The following MELK variants were observed in gnomAD, a reference collection of about 807,000 sequenced individuals.
The protein encoded by MELK is maternal embryonic leucine zipper kinase.
MELK carries 81 observed loss-of-function variants against 85.0 expected under a neutral mutation model. The ratio of observed to expected loss-of-function variants is 0.95; its 90% confidence interval spans 0.80 to 1.15. The LOEUF is 1.15. Among genes scored for constraint, MELK ranks in the 50% most tolerant of loss-of-function variants. The probability of loss-of-function intolerance (pLI) is 0.00; values close to 1 mark genes in which losing one functional copy is unlikely to be tolerated. For missense variants in MELK, 754 were observed against 777.5 expected, an observed-to-expected ratio of 0.97 and a Z score of 0.36; for synonymous variants, 252 against 265.0, an observed-to-expected ratio of 0.95 and a Z score of 0.48.
chr9:36,637,232 G>T (rs1564191738), intron 10 of MELK, among the ~76,000 whole-genome samples: 1 of 152,092 alleles, frequency 6.6e-6, no homozygotes, highest in African/African-American at 2.4e-5. Flanking sequence ...ACTGGCCAAA[G>T]CAAGCCATGT....
chr9:36,651,914 C>T (rs984453880), intron 12 of MELK, 37 bp downstream of exon 12: 105 of 1,595,658 alleles, frequency 6.6e-5, no homozygotes, highest in Non-Finnish European at 8.7e-5. Flanking sequence ...GCCACGTGCC[C>T]TCCCTGTTCC....
Position 36,665,367 on chromosome 9 carries a change from A to G in MELK, c.1194A>G (p.Thr398=), listed in dbSNP as rs758410350. 1.2e-6 allele frequency: 2 copies of G among 1,612,534 alleles called. No individual in the cohort carries two copies. Reference sequence around the variant, plus strand: ...TTTTCCAGTTTACCAAGTACTGGACAGAATCAAATGGGGTGGAATCTAAAT... The same window carrying G: ...TTTTCCAGTTTACCAAGTACTGGACGGAATCAAATGGGGTGGAATCTAAAT... ...PRTSQFTKYW[T]ESNGVESKSL... Residue 398 remains threonine (T), a synonymous_variant, in exon 14 of 18, where the codon ACA becomes ACG. Transcript: ENST00000298048.
intron 14 of MELK, among the ~76,000 whole-genome samples, chr9:36,665,827 T>C (rs1564226970): frequency 6.6e-6 from 1 of 152,222 alleles, no homozygotes. Flanking sequence ...CATCCTAGGA[T>C]ATCAAAGCTG....
intron 8 of MELK, among the ~76,000 whole-genome samples, chr9:36,614,689 A>T (rs1465937033): frequency 9.2e-6 from 1 of 109,024 alleles, no homozygotes. Context: ...CACATCTTGC[A>T]CCGCCCTTAA....
intron 8 of MELK, among the ~76,000 whole-genome samples, chr9:36,608,768 A>C (rs1281386167): frequency 6.6e-6 from 1 of 152,026 alleles, no homozygotes. Context: ...TTTTTAGTAG[A>C]GTCGGGGTTT....
At chr9:36,614,552 G>A (rs1826385464) in intron 8 of MELK, among the ~76,000 whole-genome samples, 1 of 123,666 alleles carries the variant, frequency 8.1e-6, no homozygotes, top group Non-Finnish European at 1.6e-5. Flanking sequence ...GTGAACAAAG[G>A]TCTCTGGTTT....
intron 1 of MELK, among the ~76,000 whole-genome samples, chr9:36,574,498 G>C (rs1344570380): frequency 6.6e-6 from 1 of 151,926 alleles, no homozygotes; most frequent in Non-Finnish European, 1.5e-5. Flanking sequence ...AGCAACTGGG[G>C]AGGCTGAGGC....
At chr9:36,655,076 A>G (rs931720970) in intron 12 of MELK, among the ~76,000 whole-genome samples, 52 of 152,200 alleles carry the variant, frequency 3.4e-4, no homozygotes, top group African/African-American at 1.2e-3. Flanking sequence ...AAGAATCACA[A>G]ATAACCACGT....
chr9:36,674,546 A>C (rs1374437548), intron 16 of MELK, among the ~76,000 whole-genome samples: 1 of 152,200 alleles, frequency 6.6e-6, no homozygotes, highest in African/African-American at 2.4e-5. Flanking sequence ...AAACAGTTAG[A>C]TGGGTGCTCT....
At chr9:36,614,066 G>T (rs113426094) in intron 8 of MELK, among the ~76,000 whole-genome samples, 5 of 151,976 alleles carry the variant, frequency 3.3e-5, no homozygotes, top group African/African-American at 1.2e-4. Flanking sequence ...TGGTGGCAGT[G>T]GAGGTGGTAA....
intron 1 of MELK, among the ~76,000 whole-genome samples, chr9:36,577,728 C>T (rs150730640): frequency 0.014 from 2,149 of 152,032 alleles, 48 homozygotes; most frequent in African/African-American, 0.05. Flanking sequence ...CTCGGCTCAC[C>T]GCAACCTCTG....
Position 36,630,310 on chromosome 9 carries a change from T to G in MELK, c.678T>G (p.Tyr226Ter). The change falls in exon 9 of 18, where the codon TAT becomes TAG. Residue 226 changes from tyrosine (Y) to a stop codon, truncating the protein, a stop_gained. Transcript: ENST00000298048. LOFTEE classifies it high-confidence loss of function. ...ALYKKIMRGK[Y>*]DVPKWLSPSS... ...CTTTGTTTTTGTAGAGAGGAAAATA[T>G]GATGTTCCCAAGTGGCTCTCTCCCA... 1.2e-6 allele frequency: 2 copies of G among 1,612,064 alleles called. No individual in the cohort carries two copies. Among genetic ancestry groups the G allele is most frequent in the Non-Finnish European group, 1.7e-6 (2 of 1,178,518 alleles).
chr9:36,589,104 T>G (rs1823257298), intron 3 of MELK, among the ~76,000 whole-genome samples: 1 of 152,186 alleles, frequency 6.6e-6, no homozygotes, highest in Admixed American at 6.6e-5. Context: ...TATTTTTCTG[T>G]AGTGTTGAAC....
intron 4 of MELK, among the ~76,000 whole-genome samples, chr9:36,592,585 T>C (rs1412358716): frequency 1.3e-5 from 2 of 152,174 alleles, no homozygotes. Context: ...GTGTGTAGCT[T>C]ACACACACAT....
rs1297185065 is a variant in MELK at position 36,607,603 on chromosome 9, T to C, written c.596T>C (p.Leu199Ser). 1.2e-6 allele frequency: 2 copies of C among 1,612,998 alleles called. No individual in the cohort carries two copies. The highest frequency in any genetic ancestry group is 1.7e-6 in the Non-Finnish European group (2 of 1,179,024). The stretch of plus-strand genomic sequence containing the variant: ...GATGTTTGGAGCATGGGCATACTGT[T>C]ATATGTTCTTATGTGTGGATTTCTA... ...EADVWSMGIL[L>S]YVLMCGFLPF... The change falls in exon 8 of 18, where the codon TTA becomes TCA. Residue 199 changes from leucine to serine, a missense_variant. Transcript: ENST00000298048.
chr9:36,672,324 G>A (rs1020265667), intron 16 of MELK, among the ~76,000 whole-genome samples: 1 of 152,040 alleles, frequency 6.6e-6, no homozygotes, highest in Non-Finnish European at 1.5e-5. Context: ...CACCGACACT[G>A]AGATTTAAAA....
At chr9:36,649,750 T>C (rs892178122) in intron 11 of MELK, among the ~76,000 whole-genome samples, 3 of 151,750 alleles carry the variant, frequency 2.0e-5, no homozygotes, top group East Asian at 1.9e-4. Context: ...GCCTGGGCGA[T>C]AGAGCGAGAC....
intron 17 of MELK, 81 bp downstream of exon 17, chr9:36,675,018 GC>G (rs1468831942): frequency 1.4e-5 from 13 of 962,878 alleles, no homozygotes; most frequent in Admixed American, 5.7e-5. Flanking sequence ...GGGCGCGGTG[GC>G]TCACGCCTGT....
intron 7 of MELK, among the ~76,000 whole-genome samples, chr9:36,606,111 G>C (rs1414203173): frequency 2.0e-5 from 3 of 151,718 alleles, no homozygotes. Flanking sequence ...CACATATAAA[G>C]GTTAAGCTCT....
Sources: allele counts gnomAD v4.1 joint callset (sites outside exome capture counted in the v4.1 genomes callset), GRCh38; gene constraint gnomAD v4.1.1; transcripts MANE v1.5; gene names NCBI Gene and HGNC (gene_info 2026-07-23, HGNC 2026-07-21).